CFAP97: variants seen among roughly 807,000 people sequenced by gnomAD.
The protein encoded by CFAP97 is cilia and flagella associated protein 97, also known as cilia- and flagella-associated protein 97.
Under a neutral mutation model 43.1 loss-of-function variants are expected in CFAP97, and 36 were observed. That is an observed-to-expected ratio of 0.84 (90% CI 0.64 to 1.10). CFAP97 has a LOEUF of 1.10. CFAP97 is among the 50% of genes least tolerant of loss of function. CFAP97 has a pLI of 0.00. For synonymous variants in CFAP97, 228 were observed against 225.7 expected (o/e 1.01, Z -0.09); for missense variants, 657 against 620.3 (o/e 1.06, Z -0.63).
At chr4:185,175,517 C>T (rs929281856) in intron 3 of CFAP97, among the ~76,000 whole-genome samples, 4 of 152,260 alleles carry the variant, frequency 2.6e-5, no homozygotes, top group Non-Finnish European at 4.4e-5. Context: ...CTCAAGCGAT[C>T]TGCCCACCTC....
chr4:185,194,773 T>C (rs1016023865), intron 1 of CFAP97, among the ~76,000 whole-genome samples: 1 of 152,154 alleles, frequency 6.6e-6, no homozygotes, highest in East Asian at 1.9e-4. Context: ...AATAATACAA[T>C]TTACAGTTAA....
chr4:185,171,696 G>C (rs1047164307), intron 3 of CFAP97, among the ~76,000 whole-genome samples: 16 of 152,160 alleles, frequency 1.1e-4, no homozygotes, highest in Non-Finnish European at 2.1e-4. Context: ...TGAAAAGAAA[G>C]AGATATGGTT....
At position 185,190,771 on chromosome 4, in the gene CFAP97, C is replaced by G; in HGVS notation, c.426G>C (p.Gly142=). Residue 142 remains glycine (G), a synonymous_variant, in exon 2 of 5, where the codon GGG becomes GGC. Coordinates refer to ENST00000458385, the MANE Select transcript of CFAP97 (RefSeq NM_020827.3). ...ACTTGGACTTCACATGGTATTTCTT[C>G]CCATCATCACTGCTTTCCTCTCCAT... ...YTDGEESSDD[G]KKYHVKSKSA... 1 of 1,601,490 alleles carries G rather than the reference C, an allele frequency of 6.2e-7. No homozygotes were observed. The highest frequency in any genetic ancestry group is 8.5e-7 in the Non-Finnish European group (1 of 1,173,112).
chr4:185,202,080 T>C (rs114703323), intron 1 of CFAP97, among the ~76,000 whole-genome samples: 312 of 152,334 alleles, frequency 2.0e-3, no homozygotes, highest in Non-Finnish European at 4.0e-3. Context: ...GACTGGGAGC[T>C]CCTCGTCACT....
rs917717799 is a variant in CFAP97, at chr4:185,209,456, T to A, written c.-205A>T. On this transcript the variant is annotated 5_prime_UTR_variant, in exon 1 of 3. Transcript: ENST00000503223. The surrounding 1 kb of genome is among the most constrained non-coding windows in gnomAD (Gnocchi z 5.2). ...CGCGCTGGGTCGCGCCCTCTCCCCG[T>A]GGGGCCCCGGCCCGGACCCCGCCCC... 6.6e-6 allele frequency: 1 copy of A among 152,182 alleles called. No homozygotes were observed. The highest frequency in any genetic ancestry group is 1.5e-5 in the Non-Finnish European group (1 of 68,082). The allele number at this position is 152,182 out of a possible 1,614,324, so 9.4% of individuals were successfully genotyped here. A position where few individuals can be genotyped will look rare whatever the true frequency, so the allele number is the denominator to read the frequency against.
At chr4:185,163,946 C>T (rs1734967884) in intron 4 of CFAP97, 83 bp downstream of exon 4, 4 of 1,296,558 alleles carry the variant, frequency 3.1e-6, no homozygotes, top group Non-Finnish European at 3.2e-6. Context: ...GCATTTAAAA[C>T]TCTATCATAA....
chr4:185,172,206 A>C (rs1217751312), intron 3 of CFAP97, among the ~76,000 whole-genome samples: 3 of 152,242 alleles, frequency 2.0e-5, no homozygotes, highest in African/African-American at 7.2e-5. Flanking sequence ...CTCTGAATTT[A>C]AAATTTGCTA....
At chr4:185,204,130 C>A (rs1404589966), upstream of CFAP97, 1 of 151,754 alleles carries the variant, frequency 6.6e-6, no homozygotes, top group Non-Finnish European at 1.5e-5. Context: ...GGCCGGGGCT[C>A]CACGCGGGCG....
rs1735500142 is a variant in CFAP97, at chr4:185,175,857, G to A, written c.1249C>T (p.His417Tyr). ...SKSTIPRSAD[H>Y]PPKLYHSALN... is the part of the protein sequence containing the mutation. The stretch of plus-strand genomic sequence containing the variant: ...GCACTGTGATATAACTTTGGGGGAT[G>A]ATCAGCCGATCTAGGAATTGTACTT... Residue 417 changes from histidine (H) to tyrosine (Y), a missense_variant, in exon 3 of 5, where the codon CAT becomes TAT. By Grantham distance (83) the His-to-Tyr change is moderately conservative. Transcript: ENST00000458385. The A allele has an allele frequency of 1.9e-6, 3 of 1,613,772 alleles. No homozygotes were observed. Among genetic ancestry groups the A allele is most frequent in the African/African-American group, 1.3e-5 (1 of 74,906 alleles).
At chr4:185,192,402 A>G (rs1274249884) in intron 1 of CFAP97, among the ~76,000 whole-genome samples, 1 of 152,218 alleles carries the variant, frequency 6.6e-6, no homozygotes, top group Admixed American at 6.5e-5. Context: ...ATTACAAAAA[A>G]TGGATTAAAA....
chr4:185,191,225 T>A lies in CFAP97; in HGVS notation c.-16-13A>T, dbSNP rs540187313. 5.7e-5 allele frequency: 73 copies of A among 1,284,852 alleles called. No individual in the cohort carries two copies. Among genetic ancestry groups the A allele is most frequent in the African/African-American group, 5.4e-4 (35 of 65,346 alleles). 79.6% of individuals were successfully genotyped at this position (1,284,852 alleles called of 1,614,324 possible). Reference sequence around the variant, plus strand: ...GGCAAAAATATATCTGAAAAAAAAATGTAAACATCAGACTAAAGAGTGATT... The same window carrying A: ...GGCAAAAATATATCTGAAAAAAAAAAGTAAACATCAGACTAAAGAGTGATT... On this transcript the variant is annotated splice_polypyrimidine_tract_variant and intron_variant, in intron 1 of 4. Transcript: ENST00000458385.
Position 185,180,833 on chromosome 4 carries a change from CT to C in CFAP97, c.1055-4783del, listed in dbSNP as rs1401372179. ...GTAGCATTATGAATAGTCTAATCAC[CT>C]ATTCTAGTTCCATTCTCCTAAACCT... On this transcript the variant is annotated intron_variant, in intron 2 of 4. Coordinates refer to ENST00000458385, the MANE Select transcript of CFAP97 (RefSeq NM_020827.3). 4.6e-5 allele frequency among the ~76,000 whole-genome samples: 7 copies of C among 152,100 alleles called. No individual in the cohort carries two copies. In the East Asian group the frequency reaches 1.4e-3, roughly 29 times the overall value.
chr4:185,172,850 CA>C (rs1159858914), intron 3 of CFAP97, among the ~76,000 whole-genome samples: 597 of 52,732 alleles, frequency 0.011, 4 homozygotes, highest in Middle Eastern at 0.031. Flanking sequence ...CCCATCTCTA[CA>C]AAAAAAAAAA....
intron 3 of CFAP97, among the ~76,000 whole-genome samples, chr4:185,168,857 A>G: frequency 6.6e-6 from 1 of 151,834 alleles, no homozygotes. Flanking sequence ...TTGTTGGAGC[A>G]AGCCGAGATC....
chr4:185,208,723 C>CA (rs372433088), upstream of CFAP97, among the ~76,000 whole-genome samples: 57 of 146,340 alleles, frequency 3.9e-4, 1 homozygote, highest in African/African-American at 8.0e-4. Context: ...GACTCCGTCT[C>CA]AAAAAAAAAG....
chr4:185,198,654 T>G (rs1476081579), intron 1 of CFAP97, among the ~76,000 whole-genome samples: 1 of 151,826 alleles, frequency 6.6e-6, no homozygotes, highest in Non-Finnish European at 1.5e-5. Context: ...CCGGGTGTGG[T>G]GGCGCATGCC....
chr4:185,204,454 G>A (rs1488754333), upstream of CFAP97: 1 of 152,242 alleles, frequency 6.6e-6, no homozygotes, highest in Non-Finnish European at 1.5e-5. Flanking sequence ...GACCTTTGCC[G>A]AGTGGTAAAC....
intron 3 of CFAP97, among the ~76,000 whole-genome samples, chr4:185,173,235 C>T (rs377118906): frequency 3.6e-4 from 54 of 151,954 alleles, no homozygotes; most frequent in African/African-American, 1.2e-3. Context: ...TGGTAGCAGG[C>T]GCCTGCAGTC....
At chr4:185,195,646 G>A (rs1699628062) in intron 1 of CFAP97, among the ~76,000 whole-genome samples, 1 of 152,186 alleles carries the variant, frequency 6.6e-6, no homozygotes, top group African/African-American at 2.4e-5. Context: ...GAGGGGAGGG[G>A]AGAGGAGTAG....
Sources: gnomAD v4.1 joint callset for allele counts (sites outside exome capture counted in the v4.1 genomes callset) on GRCh38, gnomAD v4.1.1 for gene constraint, Gnocchi (gnomAD v3.1) non-coding constraint, MANE v1.5 for transcripts, NCBI Gene and HGNC (gene_info 2026-07-23, HGNC 2026-07-21) for gene names.